BNC2: variants seen among roughly 807,000 people sequenced by gnomAD.
The protein encoded by BNC2 is basonuclin zinc finger protein 2.
Under a neutral mutation model 76.3 loss-of-function variants are expected in BNC2, and 20 were observed. The ratio of observed to expected loss-of-function variants is 0.26; its 90% confidence interval spans 0.18 to 0.38. The LOEUF (loss-of-function observed/expected upper bound fraction) is 0.38. Ranked by LOEUF, BNC2 falls within the 10% of genes least tolerant of loss-of-function variation. The pLI is 1.00. For missense variants in BNC2, 1,382 were observed against 1,399.8 expected (o/e 0.99, Z 0.20); for synonymous variants, 582 against 514.8 (o/e 1.13, Z -1.77).
intron 3 of BNC2, among the ~76,000 whole-genome samples, chr9:16,691,316 A>T (rs1479420020): frequency 6.6e-6 from 1 of 152,188 alleles, no homozygotes; most frequent in Non-Finnish European, 1.5e-5. Flanking sequence ...TCTACATTTG[A>T]TAAAAATGGA....
intron 6 of BNC2, among the ~76,000 whole-genome samples, chr9:16,421,863 C>CG (rs140397783): frequency 1.1e-5 from 1 of 92,890 alleles, no homozygotes; most frequent in Non-Finnish European, 1.9e-5. Flanking sequence ...GAAATCCTAC[C>CG]CGTTTATTAT....
chr9:16,831,581 G>A (rs1818578687), intron 1 of BNC2, among the ~76,000 whole-genome samples: 1 of 152,048 alleles, frequency 6.6e-6, no homozygotes, highest in Non-Finnish European at 1.5e-5. Flanking sequence ...TTTTGGGGGT[G>A]GTGCAATGTT....
intron 3 of BNC2, among the ~76,000 whole-genome samples, chr9:16,712,094 C>G (rs890462136): frequency 4.6e-5 from 7 of 152,128 alleles, no homozygotes; most frequent in African/African-American, 1.7e-4. Context: ...AAAATGTTAC[C>G]TGTGTACAAA....
intron 1 of BNC2, 44 bp from the exon 2 acceptor site, chr9:16,738,529 A>G (rs759329702): frequency 6.2e-7 from 1 of 1,601,634 alleles, no homozygotes; most frequent in Admixed American, 1.7e-5. Flanking sequence ...CCCAGACAGT[A>G]TTACTTAAAA....
intron 4 of BNC2, among the ~76,000 whole-genome samples, chr9:16,581,876 A>G (rs1819637970): frequency 6.6e-6 from 1 of 152,160 alleles, no homozygotes; most frequent in African/African-American, 2.4e-5. Flanking sequence ...TTGTGGCTGC[A>G]TGGTGGAAAC....
At position 16,623,589 on chromosome 9, in the gene BNC2, G is replaced by A. The variant is rs143984818; in HGVS notation, c.331-40504C>T. On this transcript the variant is annotated intron_variant, in intron 3 of 6. Coordinates refer to ENST00000380672, the MANE Select transcript of BNC2 (RefSeq NM_017637.6). ...TAAAAATTTCAAGTTAATATGATGT[G>A]TAGCTGATTTTAAGGATCTAACTTA... Among the ~76,000 whole-genome samples, 399 of 152,232 alleles carry A rather than the reference G, an allele frequency of 2.6e-3. 3 individuals are homozygous for A. Among genetic ancestry groups the A allele is most frequent in the African/African-American group, 8.4e-3 (350 of 41,540 alleles).
chr9:16,423,705 G>A (rs2119167478), intron 6 of BNC2, among the ~76,000 whole-genome samples: 2 of 152,298 alleles, frequency 1.3e-5, no homozygotes, highest in Middle Eastern at 6.8e-3. Flanking sequence ...AGGAAAGGTG[G>A]TGGCGACAAA....
rs555851586 is a variant in BNC2, at chr9:16,769,093, A to G, written c.4-30608T>C. ...AACGGGTCTTCTGTAAGAATTACAAATAGGACCCTGGAAAAGCATAGTGCC... is the reference window on the plus strand; with the variant it reads ...AACGGGTCTTCTGTAAGAATTACAAGTAGGACCCTGGAAAAGCATAGTGCC... On this transcript the variant is annotated intron_variant, in intron 1 of 6. Transcript: ENST00000380672. 8.5e-5 allele frequency among the ~76,000 whole-genome samples: 13 copies of G among 152,334 alleles called. 1 individual carries two copies. The highest frequency in any genetic ancestry group is 8.5e-4 in the Admixed American group (13 of 15,310).
chr9:16,453,661 C>A (rs981619533), intron 5 of BNC2, among the ~76,000 whole-genome samples: 1 of 152,114 alleles, frequency 6.6e-6, no homozygotes, highest in Non-Finnish European at 1.5e-5. Context: ...TTAAAATAAA[C>A]CTCAGCCGGG....
At chr9:16,526,462 T>G (rs1184984508) in intron 5 of BNC2, among the ~76,000 whole-genome samples, 1 of 145,388 alleles carries the variant, frequency 6.9e-6, no homozygotes, top group African/African-American at 2.5e-5. Flanking sequence ...CAACATAGTT[T>G]AATGCTTTTT....
chr9:16,692,281 C>A (rs190951900), intron 3 of BNC2, among the ~76,000 whole-genome samples: 1 of 152,294 alleles, frequency 6.6e-6, no homozygotes, highest in East Asian at 1.9e-4. Context: ...ATGCCACACC[C>A]AGGTTAACTT....
chr9:16,738,176 A>G (rs1392212020), intron 2 of BNC2, among the ~76,000 whole-genome samples, 184 bp downstream of exon 2: 6 of 152,154 alleles, frequency 3.9e-5, no homozygotes, highest in Non-Finnish European at 8.8e-5. Context: ...ACTTTCAATT[A>G]TTTCTTCAGA....
chr9:16,826,762 C>T (rs1241058279), intron 1 of BNC2, among the ~76,000 whole-genome samples: 1 of 152,024 alleles, frequency 6.6e-6, no homozygotes, highest in Admixed American at 6.6e-5. Flanking sequence ...ATCAAGTCTC[C>T]AAATCCAGGG....
chr9:16,756,778 A>C (rs1429366025), intron 1 of BNC2, among the ~76,000 whole-genome samples: 10 of 152,222 alleles, frequency 6.6e-5, no homozygotes, highest in Non-Finnish European at 1.3e-4. Flanking sequence ...TCACAAGGTC[A>C]GGAGATCAAA....
chr9:16,819,970 C>T (rs1458172202), intron 1 of BNC2, among the ~76,000 whole-genome samples: 3 of 151,732 alleles, frequency 2.0e-5, no homozygotes, highest in African/African-American at 7.3e-5. Context: ...ACTAAAAATA[C>T]AAAAATTAGC....
chr9:16,855,769 C>T (rs1304855474), intron 1 of BNC2, among the ~76,000 whole-genome samples: 2 of 151,388 alleles, frequency 1.3e-5, no homozygotes, highest in East Asian at 1.9e-4. Context: ...AGGATGGTCT[C>T]GATCTCCTGA....
At chr9:16,626,516 T>C (rs1031651000) in intron 3 of BNC2, 2 of 152,058 alleles carry the variant, frequency 1.3e-5, no homozygotes, top group East Asian at 3.9e-4. Flanking sequence ...GTAGCAGTCA[T>C]GAGGAGGGTG....
intron 5 of BNC2, among the ~76,000 whole-genome samples, chr9:16,456,421 C>T (rs1375838907): frequency 1.3e-5 from 2 of 151,594 alleles, no homozygotes; most frequent in Non-Finnish European, 1.5e-5. Flanking sequence ...AAATCAGAGT[C>T]CTGGGAGGCT....
intron 1 of BNC2, among the ~76,000 whole-genome samples, chr9:16,853,045 G>T (rs973001452): frequency 6.6e-6 from 1 of 152,198 alleles, no homozygotes; most frequent in African/African-American, 2.4e-5. Flanking sequence ...GATAAGAAGT[G>T]ATCAACCTGT....
Sources: allele counts gnomAD v4.1 joint callset (sites outside exome capture counted in the v4.1 genomes callset), GRCh38; gene constraint gnomAD v4.1.1; transcripts MANE v1.5; gene names NCBI Gene and HGNC (gene_info 2026-07-23, HGNC 2026-07-21).